The following SLC37A1 variants were observed in gnomAD, a reference collection of about 807,000 sequenced individuals.
SLC37A1 encodes the protein solute carrier family 37 member 1.
A neutral mutation model predicts 75.3 loss-of-function variants in SLC37A1; 49 were observed. That is an observed-to-expected ratio of 0.65 (90% CI 0.52 to 0.83). The LOEUF (loss-of-function observed/expected upper bound fraction) is 0.83, where lower values mean the gene tolerates loss of function less well. Among genes scored for constraint, SLC37A1 ranks in the 40% least tolerant of loss-of-function variants. SLC37A1 has a pLI of 0.00. For synonymous variants in SLC37A1, 268 were observed against 292.1 expected, an observed-to-expected ratio of 0.92 and a Z score of 0.84; for missense variants, 566 against 695.0, an observed-to-expected ratio of 0.81 and a Z score of 2.09.
At chr21:42,560,331 GGCTGTCCAGGGGGC>G (rs2055798821) in intron 11 of SLC37A1, 1 of 152,790 alleles carries the variant, frequency 6.5e-6, no homozygotes. Flanking sequence ...GTCCAGGGTG[GGCTGTCCAGGGGGC>G]GCTGTCCAGG....
Position 42,568,442 on chromosome 21 carries a change from C to A in SLC37A1, c.1423+4C>A. ...ATTGACGGGACGGGCTCTGTAGGTG[C>A]GCAGAGAGTTTTAGCTCTGGGAGGT... On this transcript the variant is annotated splice_donor_region_variant and intron_variant, in intron 17 of 19. Coordinates refer to ENST00000352133, the MANE Select transcript of SLC37A1 (RefSeq NM_001320537.2). 6.2e-7 allele frequency: 1 copy of A among 1,613,390 alleles called. No individual in the cohort carries two copies. The highest frequency in any genetic ancestry group is 8.5e-7 in the Non-Finnish European group (1 of 1,179,668).
chr21:42,542,343 C>A, intron 6 of SLC37A1, 61 bp from the exon 7 acceptor site: 2 of 1,507,530 alleles, frequency 1.3e-6, no homozygotes, highest in Non-Finnish European at 9.1e-7. Flanking sequence ...GTGCACCTCC[C>A]TGCAGCGCTG....
At chr21:42,528,320 C>T (rs1031856918) in intron 3 of SLC37A1, among the ~76,000 whole-genome samples, 17 of 152,224 alleles carry the variant, frequency 1.1e-4, no homozygotes, top group African/African-American at 4.1e-4. Context: ...GGACTCAAGG[C>T]AAGCGTCTGC....
At chr21:42,508,600 G>A (rs2054406342) in intron 2 of SLC37A1, 1 of 152,174 alleles carries the variant, frequency 6.6e-6, no homozygotes, top group Non-Finnish European at 1.5e-5. Context: ...ATTTACAACA[G>A]ATGGGCTCAG....
At chr21:42,574,232 T>C (rs952727879) in intron 17 of SLC37A1, among the ~76,000 whole-genome samples, 1 of 152,262 alleles carries the variant, frequency 6.6e-6, no homozygotes, top group Non-Finnish European at 1.5e-5. Context: ...ACAATTCTTA[T>C]TCAAATTTTA....
intron 3 of SLC37A1, among the ~76,000 whole-genome samples, chr21:42,527,703 G>A (rs146041445): frequency 6.0e-4 from 91 of 152,272 alleles, no homozygotes; most frequent in African/African-American, 2.1e-3. Flanking sequence ...TCCTCTCTGT[G>A]CCTCAGGGTT....
At chr21:42,579,827 G>C (rs376120603) in intron 19 of SLC37A1, 27 bp downstream of exon 19, 1 of 1,612,260 alleles carries the variant, frequency 6.2e-7, no homozygotes, top group Non-Finnish European at 8.5e-7. Flanking sequence ...CCCTGTCTCC[G>C]TGCGTGAAAG....
chr21:42,543,726 C>A, intron 8 of SLC37A1, 124 bp downstream of exon 8: 1 of 928,858 alleles, frequency 1.1e-6, no homozygotes, highest in Non-Finnish European at 1.6e-6. Flanking sequence ...GTGGCTGCCT[C>A]AGCGCTCTTC....
At chr21:42,537,098 G>T (rs987408385) in intron 5 of SLC37A1, among the ~76,000 whole-genome samples, 1 of 152,226 alleles carries the variant, frequency 6.6e-6, no homozygotes, top group African/African-American at 2.4e-5. Flanking sequence ...CCCCTACCCC[G>T]CTCAGAGCCC....
intron 12 of SLC37A1, among the ~76,000 whole-genome samples, chr21:42,562,954 G>A (rs2055871858): frequency 6.6e-6 from 1 of 152,176 alleles, no homozygotes; most frequent in Non-Finnish European, 1.5e-5. Context: ...CTATTCTGGG[G>A]ATGCAGATCC....
intron 3 of SLC37A1, among the ~76,000 whole-genome samples, chr21:42,531,464 G>T (rs759525957): frequency 3.9e-5 from 6 of 152,334 alleles, no homozygotes; most frequent in Admixed American, 1.3e-4. Context: ...GCTTTTGCCT[G>T]ATCAGTTTTT....
At chr21:42,561,001 C>G (rs1245360536) in intron 11 of SLC37A1, among the ~76,000 whole-genome samples, 1 of 152,170 alleles carries the variant, frequency 6.6e-6, no homozygotes, top group Non-Finnish European at 1.5e-5. Context: ...CGGGTTCCAT[C>G]CCTGGGGTAA....
chr21:42,535,831 G>A (rs2055123682), intron 5 of SLC37A1, among the ~76,000 whole-genome samples: 1 of 152,220 alleles, frequency 6.6e-6, no homozygotes, highest in African/African-American at 2.4e-5. Flanking sequence ...TGAAGTTTAG[G>A]ACCTACCATG....
chr21:42,536,061 A>G (rs530749557), intron 5 of SLC37A1, among the ~76,000 whole-genome samples: 3 of 152,204 alleles, frequency 2.0e-5, no homozygotes, highest in Non-Finnish European at 4.4e-5. Context: ...AGAGGCAGCC[A>G]TGCATGGCGG....
chr21:42,515,393 T>C (rs957674806), intron 1 of SLC37A1, among the ~76,000 whole-genome samples: 1 of 152,204 alleles, frequency 6.6e-6, no homozygotes, highest in Non-Finnish European at 1.5e-5. Flanking sequence ...AAGTAGATTA[T>C]TTAAAATATC....
chr21:42,521,107 G>A (rs938236407), intron 2 of SLC37A1, among the ~76,000 whole-genome samples: 1 of 152,238 alleles, frequency 6.6e-6, no homozygotes, highest in Non-Finnish European at 1.5e-5. Flanking sequence ...GATGCACCCC[G>A]TGGGGCGGCA....
intron 17 of SLC37A1, among the ~76,000 whole-genome samples, chr21:42,570,335 G>GCCATGTGACACACGGCCTGGTT: frequency 6.6e-6 from 1 of 151,968 alleles, no homozygotes; most frequent in African/African-American, 2.4e-5. Flanking sequence ...GGTGGCTGTT[G>GCCATGTGACACACGGCCTGGTT]CTCAGAAAGC....
chr21:42,539,770 T>G, intron 6 of SLC37A1, 123 bp downstream of exon 6: 2 of 972,536 alleles, frequency 2.1e-6, no homozygotes, highest in Non-Finnish European at 2.9e-6. Context: ...CTGTCGGAAG[T>G]CAGGGTCAGC....
intron 3 of SLC37A1, among the ~76,000 whole-genome samples, chr21:42,532,878 C>G (rs1200500492): frequency 6.6e-6 from 1 of 152,188 alleles, no homozygotes; most frequent in Non-Finnish European, 1.5e-5. Flanking sequence ...TAAAGTAGAG[C>G]CCTTGGCTAG....
Sources: allele counts gnomAD v4.1 joint callset (sites outside exome capture counted in the v4.1 genomes callset), GRCh38; gene constraint gnomAD v4.1.1; transcripts MANE v1.5; gene names NCBI Gene and HGNC (gene_info 2026-07-23, HGNC 2026-07-21).